The following POU2F2 variants were observed in gnomAD, a reference collection of about 807,000 sequenced individuals.
POU2F2 encodes POU domain, class 2, transcription factor 2.
Under a neutral mutation model 63.5 loss-of-function variants are expected in POU2F2, and 14 were observed. That is an observed-to-expected ratio of 0.22 (90% CI 0.15 to 0.34). POU2F2 has a LOEUF of 0.34. Ranked by LOEUF, POU2F2 falls within the 10% of genes least tolerant of loss-of-function variation. The pLI, the probability that POU2F2 is intolerant of heterozygous loss-of-function variation, is 1.00. For synonymous variants in POU2F2, 306 were observed against 348.6 expected (o/e 0.88, Z 1.36); for missense variants, 607 against 815.2 (o/e 0.74, Z 3.11).
chr19:42,091,663 G>A, intron 14 of POU2F2, 72 bp from the exon 15 acceptor site: 1 of 1,549,830 alleles, frequency 6.5e-7, no homozygotes, highest in Non-Finnish European at 8.7e-7. Context: ...CCAGCATCCT[G>A]CCCAGAGTGC....
At chr19:42,196,795 T>C (rs61088131), upstream of POU2F2, among the ~76,000 whole-genome samples, 52,025 of 152,290 alleles carry the variant, frequency 0.34, 14,329 homozygotes, top group African/African-American at 0.76. Flanking sequence ...CTCTGCCTCA[T>C]GGTTCCCGCC....
At chr19:42,187,307 T>C (rs1057246642) in intron 1 of POU2F2, among the ~76,000 whole-genome samples, 6 of 151,526 alleles carry the variant, frequency 4.0e-5, no homozygotes, top group Non-Finnish European at 8.8e-5. Flanking sequence ...CTACTAAAAA[T>C]ACAAAAAATT....
chr19:42,098,347 A>C (rs947360715), intron 7 of POU2F2, among the ~76,000 whole-genome samples: 2 of 147,058 alleles, frequency 1.4e-5, no homozygotes, highest in Non-Finnish European at 3.0e-5. Flanking sequence ...TGGGAGGCAG[A>C]GGGTGCAGTG....
At chr19:42,137,416 G>A (rs1300277569), upstream of POU2F2, among the ~76,000 whole-genome samples, 1 of 151,908 alleles carries the variant, frequency 6.6e-6, no homozygotes, top group East Asian at 1.9e-4. Flanking sequence ...TAGGAAAAGT[G>A]ATTTCAAGAA....
chr19:42,109,401 A>G (rs2030701427), intron 5 of POU2F2, among the ~76,000 whole-genome samples: 1 of 152,126 alleles, frequency 6.6e-6, no homozygotes, highest in South Asian at 2.1e-4. Flanking sequence ...TTCCCTCTCT[A>G]AGACAAGTTA....
Position 42,117,082 on chromosome 19 carries a change from C to A in POU2F2, c.369+168G>T. 1 of 678,626 alleles carries A rather than the reference C, an allele frequency of 1.5e-6. No homozygotes were observed. The highest frequency in any genetic ancestry group is 2.6e-6 in the Non-Finnish European group (1 of 383,100). The allele number at this position is 678,626 out of a possible 1,614,324, so 42.0% of individuals were successfully genotyped here. ...AGAGAAGGCAGAGAGGGGTTAGTGC[C>A]TAAGCCAAGCAAGTAAGGGGACAAG... On this transcript the variant is annotated intron_variant, in intron 5 of 14. Transcript: ENST00000692977. The surrounding 1 kb of genome is among the most constrained non-coding windows in gnomAD (Gnocchi z 4.4).
intron 1 of POU2F2, 150 bp downstream of exon 1, chr19:42,132,234 G>A (rs1202361924): frequency 1.2e-6 from 1 of 831,738 alleles, no homozygotes; most frequent in Non-Finnish European, 1.8e-6. Context: ...GGGGTTAGCG[G>A]GGACCCGGCA....
rs1269245103 is a variant in POU2F2 at position 42,093,910 on chromosome 19, AAGG to A, written c.1198-18_1198-16del. The A allele has an allele frequency of 1.2e-6, 2 of 1,605,150 alleles. No individual in the cohort carries two copies. Among genetic ancestry groups the A allele is most frequent in the Non-Finnish European group, 8.5e-7 (1 of 1,173,284 alleles). ...TGGGGTGTGACCTGAGGAGAGAAGA[AAGG>A]AGGTGTGGTTAGCCACTGTCTGCCA... On this transcript the variant is annotated splice_polypyrimidine_tract_variant and intron_variant, in intron 11 of 14. Coordinates refer to ENST00000692977, the MANE Select transcript of POU2F2 (RefSeq NM_001394376.1).
intron 1 of POU2F2, among the ~76,000 whole-genome samples, chr19:42,165,871 GAGA>G (rs2034639968): frequency 6.6e-6 from 1 of 152,222 alleles, no homozygotes; most frequent in African/African-American, 2.4e-5. Context: ...GTAGGTAAGG[GAGA>G]AGGTTTGTCT....
intron 4 of POU2F2, among the ~76,000 whole-genome samples, chr19:42,119,150 TAA>T (rs537341897): frequency 7.2e-6 from 1 of 138,970 alleles, no homozygotes; most frequent in Non-Finnish European, 1.6e-5. Context: ...AGAGAGAGGT[TAA>T]AAAAAAAAAA....
At chr19:42,151,219 T>C (rs955907095) in intron 2 of POU2F2, among the ~76,000 whole-genome samples, 3 of 150,264 alleles carry the variant, frequency 2.0e-5, no homozygotes, top group African/African-American at 7.4e-5. Context: ...TCCCCCTTCC[T>C]AACAAAGGGA....
chr19:42,192,542 C>T (rs192199335), intron 1 of POU2F2, among the ~76,000 whole-genome samples: 7 of 152,238 alleles, frequency 4.6e-5, no homozygotes, highest in African/African-American at 1.4e-4. Context: ...ACCTCTGCAT[C>T]GTATTTACCC....
chr19:42,181,213 G>A (rs1199781346), intron 1 of POU2F2, among the ~76,000 whole-genome samples: 2 of 152,314 alleles, frequency 1.3e-5, no homozygotes, highest in East Asian at 1.9e-4. Flanking sequence ...ATGATTCCAC[G>A]AAGGCTGATG....
At chr19:42,106,032 T>TTTCTTTC (rs1555897168) in intron 5 of POU2F2, among the ~76,000 whole-genome samples, 1 of 148,546 alleles carries the variant, frequency 6.7e-6, no homozygotes, top group Admixed American at 6.7e-5. Flanking sequence ...TCTTTCTTTC[T>TTTCTTTC]TTCTTTCTTT....
At chr19:42,187,239 G>A (rs986327320) in intron 1 of POU2F2, among the ~76,000 whole-genome samples, 3 of 151,836 alleles carry the variant, frequency 2.0e-5, no homozygotes, top group Non-Finnish European at 2.9e-5. Context: ...CGAGGCGGGC[G>A]GATCACCTGA....
At chr19:42,159,955 C>T (rs181965786) in intron 2 of POU2F2, among the ~76,000 whole-genome samples, 11 of 152,282 alleles carry the variant, frequency 7.2e-5, no homozygotes, top group South Asian at 4.1e-4. Context: ...TTCCCATTTA[C>T]AGACAAGGAA....
At position 42,162,490 on chromosome 19, in the gene POU2F2, G is replaced by C. The variant is rs1167890360; in HGVS notation, c.-69-2098C>G. On this transcript the variant is annotated intron_variant, in intron 1 of 6. Coordinates refer to the POU2F2 transcript ENST00000524801. The surrounding 1 kb of genome is among the most constrained non-coding windows in gnomAD (Gnocchi z 4.1). ...GGCAGCAGCTGGCCCACAGTTACCA[G>C]GCACAGGAAGAGTGGGAGCCAGAAT... 6.6e-6 allele frequency among the ~76,000 whole-genome samples: 1 copy of C among 152,124 alleles called. No individual in the cohort carries two copies. Among genetic ancestry groups the C allele is most frequent in the Non-Finnish European group, 1.5e-5 (1 of 68,026 alleles).
In POU2F2 at chr19:42,091,173, C is replaced by T; in HGVS notation, c.*84G>A. The stretch of plus-strand genomic sequence containing the variant: ...TCCTGCTCTGAGGACCCTCTGCGTC[C>T]CCACCACTGGCCTCCTCGCCCTCTT... On this transcript the variant is annotated 3_prime_UTR_variant, in exon 15 of 15. Coordinates refer to ENST00000692977, the MANE Select transcript of POU2F2 (RefSeq NM_001394376.1). The T allele has an allele frequency of 2.2e-6, 3 of 1,346,554 alleles. No individual in the cohort carries two copies. Among genetic ancestry groups the T allele is most frequent in the East Asian group, 2.5e-5 (1 of 39,614 alleles). The allele number at this position is 1,346,554 out of a possible 1,614,324, so 83.4% of individuals were successfully genotyped here.
intron 1 of POU2F2, among the ~76,000 whole-genome samples, chr19:42,193,149 C>T (rs1471838764): frequency 2.8e-5 from 4 of 142,188 alleles, no homozygotes; most frequent in South Asian, 2.3e-4. Context: ...TGGCGGGAGG[C>T]GGAGCTTGCA....
Sources: allele counts gnomAD v4.1 joint callset (sites outside exome capture counted in the v4.1 genomes callset), GRCh38; gene constraint gnomAD v4.1.1; non-coding constraint Gnocchi (gnomAD v3.1); transcripts MANE v1.5; gene names NCBI Gene and HGNC (gene_info 2026-07-23, HGNC 2026-07-21).